The following MAP3K1 variants were observed in gnomAD, a reference collection of about 807,000 sequenced individuals.
MAP3K1 encodes the protein mitogen-activated protein kinase kinase kinase 1, also known as MAP/ERK kinase kinase 1.
MAP3K1 carries 36 observed loss-of-function variants against 144.2 expected under a neutral mutation model. That is an observed-to-expected ratio of 0.25 (90% CI 0.19 to 0.33). The LOEUF (loss-of-function observed/expected upper bound fraction) is 0.33. Among genes scored for constraint, MAP3K1 ranks in the 10% least tolerant of loss-of-function variants. The pLI is 1.00. For missense variants in MAP3K1, 1,650 were observed against 1,881.9 expected (o/e 0.88, Z 2.28); for synonymous variants, 718 against 688.7 (o/e 1.04, Z -0.67).
intron 1 of MAP3K1, among the ~76,000 whole-genome samples, chr5:56,823,508 C>A (rs766459663): frequency 8.5e-5 from 13 of 152,304 alleles, no homozygotes; most frequent in Middle Eastern, 3.4e-3. Context: ...TGCCTTCCCC[C>A]TAGCACCTAG....
intron 9 of MAP3K1, among the ~76,000 whole-genome samples, chr5:56,873,375 T>C (rs1417012553): frequency 2.6e-5 from 4 of 152,240 alleles, no homozygotes; most frequent in African/African-American, 4.8e-5. Context: ...TTTGCTGCCA[T>C]TTAAAATTAA....
At position 56,880,779 on chromosome 5, in the gene MAP3K1, T is replaced by G. The variant is rs771744162; in HGVS notation, c.2156T>G (p.Val719Gly). The G allele has an allele frequency of 5.0e-6, 8 of 1,613,632 alleles. No homozygotes were observed. The highest frequency in any genetic ancestry group is 6.8e-6 in the Non-Finnish European group (8 of 1,179,656). ...LCKGQAGELA[V>G]GREILKAGSI... The stretch of plus-strand genomic sequence containing the variant: ...AAAGGCCAAGCAGGAGAGTTGGCAG[T>G]TGGCAGAGAAATACTAAAAGCTGGT... The change falls in exon 12 of 20, where the codon GTT (valine) becomes GGT (glycine). Residue 719 changes from valine to glycine, a missense_variant. Physicochemically the swap from Val to Gly is moderately radical, Grantham distance 109. Transcript: ENST00000399503.
chr5:56,859,700 A>G lies in MAP3K1; in HGVS notation c.634-15A>G. ...TATTTTTAAGTAATCAAAATATTGG[A>G]ATACTTTGATTCAGGTGGTAAAACC... On this transcript the variant is annotated splice_polypyrimidine_tract_variant and intron_variant, in intron 2 of 19. Transcript: ENST00000399503. 1 of 1,590,458 alleles carries G rather than the reference A, an allele frequency of 6.3e-7. No homozygotes were observed. The highest frequency in any genetic ancestry group is 2.2e-5 in the East Asian group (1 of 44,638).
intron 10 of MAP3K1, 76 bp from the exon 11 acceptor site, chr5:56,878,904 A>G (rs907992742): frequency 3.0e-6 from 4 of 1,337,600 alleles, no homozygotes; most frequent in Middle Eastern, 1.8e-4. Flanking sequence ...TTGTTGCTCA[A>G]ATTGTCTCAA....
At chr5:56,849,243 G>A (rs116713804) in intron 1 of MAP3K1, among the ~76,000 whole-genome samples, 3,148 of 152,088 alleles carry the variant, frequency 0.021, 109 homozygotes, top group African/African-American at 0.073. Flanking sequence ...CCAGCTACTC[G>A]GGAGGCTGAC....
At chr5:56,876,533 A>AT (rs564830426) in intron 10 of MAP3K1, among the ~76,000 whole-genome samples, 43 of 152,268 alleles carry the variant, frequency 2.8e-4, no homozygotes, top group African/African-American at 9.9e-4. Flanking sequence ...TGATCTCATA[A>AT]TTTATCATTC....
At chr5:56,825,657 G>C (rs530077223) in intron 1 of MAP3K1, among the ~76,000 whole-genome samples, 1 of 152,142 alleles carries the variant, frequency 6.6e-6, no homozygotes, top group Non-Finnish European at 1.5e-5. Context: ...TTTAATTGCT[G>C]TGCTCTTACT....
chr5:56,819,629 C>G (rs1439113796), intron 1 of MAP3K1, among the ~76,000 whole-genome samples: 1 of 151,782 alleles, frequency 6.6e-6, no homozygotes, highest in Non-Finnish European at 1.5e-5. Context: ...ATTTTGTACT[C>G]CAGTCATCTT....
intron 1 of MAP3K1, among the ~76,000 whole-genome samples, chr5:56,824,545 C>T (rs1211369879): frequency 6.6e-6 from 1 of 152,150 alleles, no homozygotes; most frequent in Non-Finnish European, 1.5e-5. Context: ...ACATTGCAGT[C>T]GGGGGCCACC....
At chr5:56,873,262 G>C (rs192371307) in intron 9 of MAP3K1, among the ~76,000 whole-genome samples, 6 of 152,204 alleles carry the variant, frequency 3.9e-5, no homozygotes, top group Non-Finnish European at 8.8e-5. Flanking sequence ...ACGGACATAC[G>C]GGGTTATTCA....
rs768399425 is a variant in MAP3K1, at chr5:56,893,959, C to T, written c.*279C>T. 1.1e-5 allele frequency: 5 copies of T among 468,548 alleles called. No homozygotes were observed. The highest frequency in any genetic ancestry group is 1.9e-5 in the Non-Finnish European group (5 of 256,972). 29.0% of individuals were successfully genotyped at this position (468,548 alleles called of 1,614,324 possible). ...CAATGAAGTTTGCATGACTAAATTG[C>T]AGAAGCATAATTTTATTTTTTTGGA... is the stretch of plus-strand genomic sequence containing the variant. On this transcript the variant is annotated 3_prime_UTR_variant, in exon 20 of 20. Coordinates refer to ENST00000399503, the MANE Select transcript of MAP3K1 (RefSeq NM_005921.2).
At chr5:56,843,436 G>C (rs1213468930) in intron 1 of MAP3K1, among the ~76,000 whole-genome samples, 1 of 152,222 alleles carries the variant, frequency 6.6e-6, no homozygotes. Context: ...AATGAAATGA[G>C]AACCATTCCC....
chr5:56,849,688 A>C (rs1265284862), intron 1 of MAP3K1, among the ~76,000 whole-genome samples: 1 of 152,226 alleles, frequency 6.6e-6, no homozygotes, highest in Non-Finnish European at 1.5e-5. Flanking sequence ...GTTGGCAAAG[A>C]CAGTATGTCT....
Position 56,881,900 on chromosome 5 carries a change from T to C in MAP3K1, c.2700T>C (p.Ser900=), listed in dbSNP as rs1748221824. 6.2e-7 allele frequency: 1 copy of C among 1,614,008 alleles called. No homozygotes were observed. Among genetic ancestry groups the C allele is most frequent in the Non-Finnish European group, 8.5e-7 (1 of 1,179,996 alleles). ...ACTATCTGGAAACCACAGAGAACAG[T>C]TCCCCTGAGTGCACAGTCCATTTAG... is the stretch of plus-strand genomic sequence containing the variant. ...PNNYLETTEN[S]SPECTVHLEK... The change falls in exon 14 of 20, where the codon AGT becomes AGC. Residue 900 remains serine, a synonymous_variant. Coordinates refer to ENST00000399503, the MANE Select transcript of MAP3K1 (RefSeq NM_005921.2).
intron 11 of MAP3K1, among the ~76,000 whole-genome samples, chr5:56,880,187 T>C (rs1748163437): frequency 2.6e-5 from 4 of 152,228 alleles, no homozygotes; most frequent in Admixed American, 2.6e-4. Flanking sequence ...AGTGTTCTCA[T>C]GGTATTTGTT....
intron 19 of MAP3K1, among the ~76,000 whole-genome samples, chr5:56,890,225 C>T (rs1362193360): frequency 6.6e-6 from 1 of 152,170 alleles, no homozygotes; most frequent in Non-Finnish European, 1.5e-5. Flanking sequence ...AATAAATACT[C>T]ATGGCTAGGA....
chr5:56,882,807 C>T lies in MAP3K1; in HGVS notation c.3607C>T (p.Pro1203Ser), dbSNP rs1052243064. Reference sequence around the variant, plus strand: ...AATGTCAGCGTCTCAGGATGCCCTCCCCATAGTTCCTCAGCTGCAGGTTGA... The same window carrying T: ...AATGTCAGCGTCTCAGGATGCCCTCTCCATAGTTCCTCAGCTGCAGGTTGA... ...MAMSASQDALPIVPQLQVENG... is the reference protein window; with the variant it reads ...MAMSASQDALSIVPQLQVENG... The change falls in exon 14 of 20, where the codon CCC (proline) becomes TCC (serine). Residue 1203 changes from proline to serine, a missense_variant. Physicochemically the swap from Pro to Ser is moderately conservative, Grantham distance 74. This residue lies in a region of MAP3K1 where 841 missense variants were observed against 886.5 expected (regional missense o/e 0.95). Transcript: ENST00000399503. 2 of 1,612,136 alleles carry T rather than the reference C, an allele frequency of 1.2e-6. No homozygotes were observed. The highest frequency in any genetic ancestry group is 2.7e-5 in the African/African-American group (2 of 74,824).
intron 4 of MAP3K1, 88 bp downstream of exon 4, chr5:56,865,022 T>C (rs1230149801): frequency 8.3e-7 from 1 of 1,207,282 alleles, no homozygotes; most frequent in Non-Finnish European, 1.2e-6. Flanking sequence ...TAAATTTAGA[T>C]CAATTAATTC....
chr5:56,859,893 GAA>G lies in MAP3K1; in HGVS notation c.816_817del (p.Arg273SerfsTer27). On this transcript the variant is annotated frameshift_variant, in exon 3 of 20. Transcript: ENST00000399503. LOFTEE classifies it high-confidence loss of function. ...AAATCAGAATCTCCAGGAGTAAGGA[GAA>G]AAAGAGTTTCCCCAGTGCCTGTAAG... 1 of 1,612,922 alleles carries G rather than the reference GAA, an allele frequency of 6.2e-7. No homozygotes were observed. The highest frequency in any genetic ancestry group is 8.5e-7 in the Non-Finnish European group (1 of 1,179,480).
Sources: gnomAD v4.1 joint callset for allele counts (sites outside exome capture counted in the v4.1 genomes callset) on GRCh38, gnomAD v4.1.1 for gene constraint, gnomAD v4.1.1 regional missense constraint, MANE v1.5 for transcripts, NCBI Gene and HGNC (gene_info 2026-07-23, HGNC 2026-07-21) for gene names.